The following PEAK1 variants were observed in gnomAD, a reference collection of about 807,000 sequenced individuals.
PEAK1 encodes pseudopodium enriched atypical kinase 1.
In PEAK1, 54 loss-of-function variants were observed where a neutral mutation model predicts 124.7. The observed-to-expected ratio is 0.43, with a 90% confidence interval of 0.35 to 0.54. The LOEUF is 0.54. Ranked by LOEUF, PEAK1 falls within the 20% of genes least tolerant of loss-of-function variation. The probability of loss-of-function intolerance (pLI) is 0.01; values close to 1 mark genes in which losing one functional copy is unlikely to be tolerated. For synonymous variants in PEAK1, 719 were observed against 760.0 expected, an observed-to-expected ratio of 0.95 and a Z score of 0.89; for missense variants, 2,046 against 2,134.5, an observed-to-expected ratio of 0.96 and a Z score of 0.82.
intron 6 of PEAK1, among the ~76,000 whole-genome samples, chr15:77,243,078 A>G (rs2060428758): frequency 6.6e-6 from 1 of 152,212 alleles, no homozygotes; most frequent in Non-Finnish European, 1.5e-5. Flanking sequence ...TGAAAGTCAC[A>G]ATGGGATTGT....
rs963321159 is a variant in PEAK1 at position 77,137,563 on chromosome 15, G to C, written c.3332-3813C>G. ...GACTGCCCCGCTGGATTTCGGACTT[G>C]TGTGGGGCCTGTAGCCCCTTTGTTC... On this transcript the variant is annotated intron_variant, in intron 8 of 9. Transcript: ENST00000682557. Among the ~76,000 whole-genome samples the C allele has an allele frequency of 2.0e-5, 3 of 152,344 alleles. No homozygotes were observed. The East Asian group carries it at 5.8e-4, about 29-fold the overall frequency.
At chr15:77,171,240 C>T (rs1408958440) in intron 7 of PEAK1, among the ~76,000 whole-genome samples, 5 of 152,156 alleles carry the variant, frequency 3.3e-5, no homozygotes, top group African/African-American at 9.7e-5. Flanking sequence ...TTGCTTTGCA[C>T]TCTTAAAAAT....
downstream of PEAK1, chr15:77,106,975 A>C (rs879705854): frequency 2.6e-5 from 4 of 152,148 alleles, no homozygotes; most frequent in Non-Finnish European, 5.9e-5. Context: ...TTCAGCTTTT[A>C]ATATTTAATT....
At chr15:77,139,931 C>T (rs1403768759) in intron 8 of PEAK1, among the ~76,000 whole-genome samples, 1 of 151,842 alleles carries the variant, frequency 6.6e-6, no homozygotes, top group Non-Finnish European at 1.5e-5. Flanking sequence ...TCAAGGCGGC[C>T]AGAGCTTTTG....
intron 5 of PEAK1, among the ~76,000 whole-genome samples, chr15:77,260,059 C>T (rs2061360124): frequency 6.6e-6 from 1 of 152,052 alleles, no homozygotes; most frequent in Non-Finnish European, 1.5e-5. Context: ...CAGATAGTTG[C>T]AATACAAAGA....
chr15:77,401,358 T>C (rs2071362736), intron 1 of PEAK1, among the ~76,000 whole-genome samples: 1 of 152,202 alleles, frequency 6.6e-6, no homozygotes, highest in South Asian at 2.1e-4. Context: ...GATGTCTAAT[T>C]TGCTGGCAAT....
intron 5 of PEAK1, among the ~76,000 whole-genome samples, chr15:77,274,245 C>G (rs2062189484): frequency 6.6e-6 from 1 of 152,072 alleles, no homozygotes; most frequent in African/African-American, 2.4e-5. Context: ...AACCCGAAAG[C>G]AAACGCAACA....
intron 6 of PEAK1, among the ~76,000 whole-genome samples, chr15:77,217,206 AAG>A (rs1211889561): frequency 2.1e-5 from 3 of 142,514 alleles, no homozygotes; most frequent in African/African-American, 5.3e-5. Context: ...CTGGGTGACC[AAG>A]AGAGACTCTG....
At chr15:77,246,555 G>A (rs1239122076) in intron 6 of PEAK1, among the ~76,000 whole-genome samples, 2 of 151,998 alleles carry the variant, frequency 1.3e-5, no homozygotes, top group Non-Finnish European at 2.9e-5. Flanking sequence ...TCCAATAGTT[G>A]AGCACAATAT....
chr15:77,231,820 T>C (rs1017799617), intron 6 of PEAK1, among the ~76,000 whole-genome samples: 3 of 152,194 alleles, frequency 2.0e-5, no homozygotes, highest in East Asian at 1.9e-4. Flanking sequence ...TACACTCATT[T>C]CCTCCAAGCA....
At chr15:77,300,233 CACTG>C (rs200547964) in intron 2 of PEAK1, among the ~76,000 whole-genome samples, 1,573 of 152,320 alleles carry the variant, frequency 0.01, 27 homozygotes, top group African/African-American at 0.036. Context: ...TGAATAACTG[CACTG>C]ACTTCTGCTG....
At chr15:77,360,891 G>A (rs992480284) in intron 2 of PEAK1, among the ~76,000 whole-genome samples, 22 of 151,966 alleles carry the variant, frequency 1.4e-4, no homozygotes, top group Non-Finnish European at 2.4e-4. Flanking sequence ...AACTCACAAA[G>A]GGATCAAAGA....
At chr15:77,337,370 C>T (rs1329717416) in intron 2 of PEAK1, 7 of 949,436 alleles carry the variant, frequency 7.4e-6, no homozygotes, top group Non-Finnish European at 8.8e-6. Flanking sequence ...TTTTAAAAAT[C>T]AAGAAATAAT....
At chr15:77,106,894 G>A (rs2050759631), downstream of PEAK1, 1 of 152,182 alleles carries the variant, frequency 6.6e-6, no homozygotes, top group Non-Finnish European at 1.5e-5. Flanking sequence ...TCAAGGCCCA[G>A]GAAAGGTCTA....
intron 7 of PEAK1, among the ~76,000 whole-genome samples, chr15:77,168,171 A>G (rs1229295486): frequency 6.6e-6 from 1 of 152,022 alleles, no homozygotes; most frequent in South Asian, 2.1e-4. Flanking sequence ...ACATTTTACC[A>G]GTCTAAGAAG....
chr15:77,342,176 C>T (rs570461563), intron 2 of PEAK1, among the ~76,000 whole-genome samples: 2 of 148,204 alleles, frequency 1.3e-5, no homozygotes, highest in African/African-American at 2.5e-5. Flanking sequence ...AAAAAAAACA[C>T]ACACACAACA....
At chr15:77,343,834 A>T (rs1412975779) in intron 2 of PEAK1, among the ~76,000 whole-genome samples, 1 of 152,086 alleles carries the variant, frequency 6.6e-6, no homozygotes, top group African/African-American at 2.4e-5. Flanking sequence ...ATAACTAAGA[A>T]ATCACTACAA....
At chr15:77,257,958 T>C (rs2061248086) in intron 5 of PEAK1, among the ~76,000 whole-genome samples, 1 of 152,230 alleles carries the variant, frequency 6.6e-6, no homozygotes, top group Non-Finnish European at 1.5e-5. Flanking sequence ...CTAGCCAGTT[T>C]TCCCATCACC....
chr15:77,377,640 T>C (rs1476559850), intron 1 of PEAK1, among the ~76,000 whole-genome samples: 1 of 152,012 alleles, frequency 6.6e-6, no homozygotes, highest in African/African-American at 2.4e-5. Flanking sequence ...CGGCTAATTT[T>C]TGTATTTTTA....
Sources: allele counts gnomAD v4.1 joint callset (sites outside exome capture counted in the v4.1 genomes callset), GRCh38; gene constraint gnomAD v4.1.1; transcripts MANE v1.5; gene names NCBI Gene and HGNC (gene_info 2026-07-23, HGNC 2026-07-21).